Variants in SLC67A1 observed in about 807,000 individuals in gnomAD.
The protein encoded by SLC67A1 is solute carrier family 67 member 1, also known as solute carrier family 67 member A1.
chr11:2,910,409 G>T, the SLC67A1 span, among the ~76,000 whole-genome samples: 2 of 152,180 alleles, frequency 1.3e-5, no homozygotes, highest in Non-Finnish European at 1.5e-5. Flanking sequence ...CTGGGGGCTC[G>T]ATGGATGGGA....
At chr11:2,902,851 T>C in the SLC67A1 span, 6 of 653,042 alleles carry the variant, frequency 9.2e-6, no homozygotes, top group South Asian at 3.2e-4. Context: ...CTGCACTGTG[T>C]TGGGGACAGG....
At chr11:2,915,637 C>T in the SLC67A1 span, among the ~76,000 whole-genome samples, 4 of 152,352 alleles carry the variant, frequency 2.6e-5, no homozygotes, top group East Asian at 7.7e-4. Flanking sequence ...AGATGGCATG[C>T]TGTCTGGGAA....
At chr11:2,912,405 C>T in the SLC67A1 span, among the ~76,000 whole-genome samples, 1 of 152,372 alleles carries the variant, frequency 6.6e-6, no homozygotes, top group East Asian at 1.9e-4. Flanking sequence ...CCTGTTCTGG[C>T]TCCTGGCCTG....
chr11:2,914,702 C>G, the SLC67A1 span: 1 of 985,420 alleles, frequency 1.0e-6, no homozygotes, highest in South Asian at 4.7e-5. Flanking sequence ...TCACCAGCCT[C>G]CTAAAATAGC....
chr11:2,902,587 G>C, the SLC67A1 span: 2 of 985,462 alleles, frequency 2.0e-6, no homozygotes, highest in East Asian at 2.3e-4. Context: ...TCGGTACCTC[G>C]GGGCTCAGAT....
chr11:2,915,205 T>C, the SLC67A1 span: 1 of 984,614 alleles, frequency 1.0e-6, no homozygotes, highest in Non-Finnish European at 1.2e-6. Flanking sequence ...CCACTGACTG[T>C]CCTAGTCAGT....
At chr11:2,920,261 AG>A in the SLC67A1 span, 2 of 152,328 alleles carry the variant, frequency 1.3e-5, no homozygotes, top group Non-Finnish European at 2.9e-5. Context: ...CCGTGGGCAG[AG>A]AGGGCCTCTG....
At chr11:2,906,201 A>G in the SLC67A1 span, among the ~76,000 whole-genome samples, 8 of 152,262 alleles carry the variant, frequency 5.3e-5, no homozygotes, top group African/African-American at 1.9e-4. Context: ...AATGGCGATC[A>G]TGAAAAAGTC....
chr11:2,909,087 C>T, the SLC67A1 span: 1 of 1,087,722 alleles, frequency 9.2e-7, no homozygotes, highest in Non-Finnish European at 1.3e-6. Context: ...CCTCCATCCC[C>T]ATCCCGCACT....
chr11:2,923,082 C>T, the SLC67A1 span, among the ~76,000 whole-genome samples: 1 of 152,200 alleles, frequency 6.6e-6, no homozygotes, highest in Non-Finnish European at 1.5e-5. The surrounding 1 kb of genome is among the most constrained non-coding windows in gnomAD (Gnocchi z 6.5). Context: ...TTTCTTGAGG[C>T]CGAAGAGAGC....
At chr11:2,918,582 G>C in the SLC67A1 span, among the ~76,000 whole-genome samples, 1 of 152,258 alleles carries the variant, frequency 6.6e-6, no homozygotes. Flanking sequence ...AAGCCAGGAA[G>C]CAGGATGGAG....
At chr11:2,903,514 C>A in the SLC67A1 span, 1 of 1,611,588 alleles carries the variant, frequency 6.2e-7, no homozygotes, top group Admixed American at 1.7e-5. Context: ...CCAGCCCCTG[C>A]AGCCCCAGCC....
chr11:2,915,224 A>G, the SLC67A1 span: 1 of 985,278 alleles, frequency 1.0e-6, no homozygotes, highest in Non-Finnish European at 1.2e-6. Flanking sequence ...GTGTGGCTCC[A>G]AGTCCCCTCC....
chr11:2,907,169 A>C, the SLC67A1 span, among the ~76,000 whole-genome samples: 1 of 150,382 alleles, frequency 6.6e-6, no homozygotes, highest in African/African-American at 2.4e-5. This position sits in a 1 kb window ranked among gnomAD's most constrained non-coding sequence, Gnocchi z 6.7. Flanking sequence ...CAGTGGAAAG[A>C]AGGGGAGTGG....
At chr11:2,907,456 T>C in the SLC67A1 span, among the ~76,000 whole-genome samples, 1 of 152,152 alleles carries the variant, frequency 6.6e-6, no homozygotes, top group Non-Finnish European at 1.5e-5. This position sits in a 1 kb window ranked among gnomAD's most constrained non-coding sequence, Gnocchi z 6.7. Context: ...TACAACGTCA[T>C]CCATCCGAGT....
At chr11:2,906,103 A>G in the SLC67A1 span, among the ~76,000 whole-genome samples, 1 of 152,246 alleles carries the variant, frequency 6.6e-6, no homozygotes, top group Non-Finnish European at 1.5e-5. Flanking sequence ...TATGCAGCCA[A>G]CAGACACATG....
chr11:2,908,211 C>G, the SLC67A1 span: 3 of 1,586,104 alleles, frequency 1.9e-6, no homozygotes, highest in African/African-American at 1.3e-5. Flanking sequence ...GCCCCTCCCC[C>G]GGGCTCCCTC....
the SLC67A1 span, among the ~76,000 whole-genome samples, chr11:2,910,034 G>A: frequency 1.3e-5 from 2 of 152,180 alleles, no homozygotes; most frequent in Non-Finnish European, 2.9e-5. Context: ...CTCCTGCTGG[G>A]GACAGGAGCA....
At chr11:2,910,942 A>C in the SLC67A1 span, among the ~76,000 whole-genome samples, 1 of 152,158 alleles carries the variant, frequency 6.6e-6, no homozygotes. Flanking sequence ...TGCATCTTCA[A>C]GTGTGGATGG....
Sources: allele counts gnomAD v4.1 joint callset (sites outside exome capture counted in the v4.1 genomes callset), GRCh38; gene constraint gnomAD v4.1.1; non-coding constraint Gnocchi (gnomAD v3.1); transcripts MANE v1.5; gene names NCBI Gene and HGNC (gene_info 2026-07-23, HGNC 2026-07-21).